Variants in NOTCH1 observed in about 807,000 individuals in gnomAD.
NOTCH1 encodes the protein neurogenic locus notch homolog protein 1.
A neutral mutation model predicts 254.8 loss-of-function variants in NOTCH1; 37 were observed. The observed-to-expected ratio is 0.15, with a 90% confidence interval of 0.11 to 0.19. The LOEUF (loss-of-function observed/expected upper bound fraction) is 0.19. NOTCH1 is among the 10% of genes least tolerant of loss of function. NOTCH1 has a pLI of 1.00. For missense variants in NOTCH1, 2,972 were observed against 3,708.6 expected, an observed-to-expected ratio of 0.80 and a Z score of 5.16; for synonymous variants, 1,731 against 1,618.1, an observed-to-expected ratio of 1.07 and a Z score of -1.68.
intron 19 of NOTCH1, 115 bp downstream of exon 19, chr9:136,508,755 G>T: frequency 9.2e-7 from 1 of 1,081,340 alleles, no homozygotes; most frequent in Non-Finnish European, 1.3e-6. Context: ...GCCCGGGGGT[G>T]TGGGGGTGAC....
intron 2 of NOTCH1, among the ~76,000 whole-genome samples, chr9:136,535,464 C>CGG (rs1056012408): frequency 2.1e-4 from 22 of 104,568 alleles, no homozygotes; most frequent in East Asian, 6.3e-4. Flanking sequence ...GCAGGGTAGG[C>CGG]GGGGAGCACT....
chr9:136,499,630 C>T (rs903202897), intron 31 of NOTCH1, among the ~76,000 whole-genome samples: 2 of 152,224 alleles, frequency 1.3e-5, no homozygotes, highest in African/African-American at 4.8e-5. Flanking sequence ...CACGGCCCTA[C>T]AGCCGTCTCA....
In NOTCH1 at chr9:136,499,283, G is replaced by A. The variant is rs779706445; in HGVS notation, c.5935-24C>T. 5.0e-6 allele frequency: 8 copies of A among 1,610,650 alleles called. No individual in the cohort carries two copies. In the African/African-American group the frequency reaches 1.1e-4, roughly 21 times the overall value. ...ATCTGGGCAACAGGGAGAGGCTCAG[G>A]CGGGTGCTGGGCAGACGTACACCGA... On this transcript the variant is annotated intron_variant, in intron 31 of 33. Transcript: ENST00000651671.
Position 136,503,205 on chromosome 9 carries a change from G to C in NOTCH1, c.5144C>G (p.Pro1715Arg), listed in dbSNP as rs749151982. ...ACTCTGCACGGCCTCGATCTTGTAG[G>C]GGATGTTGAGGCTGCCCAGCGAGGC... ...ALASLGSLNIPYKIEAVQSET... is the reference protein window; with the variant it reads ...ALASLGSLNIRYKIEAVQSET... Residue 1715 changes from proline to arginine, a missense_variant, in exon 27 of 34, where the codon CCC (proline) becomes CGC (arginine). Physicochemically the swap from Pro to Arg is moderately radical, Grantham distance 103. Around this residue, in one of 8 missense-constraint regions of NOTCH1, gnomAD observed 421 missense variants for 604.4 expected, o/e 0.70. Transcript: ENST00000651671. 6.2e-7 allele frequency: 1 copy of C among 1,612,880 alleles called. No individual in the cohort carries two copies. The highest frequency in any genetic ancestry group is 1.1e-5 in the South Asian group (1 of 91,082).
chr9:136,506,034 A>T lies in NOTCH1; in HGVS notation c.4015-153T>A, dbSNP rs1224710548. Among the ~76,000 whole-genome samples, 2 of 152,044 alleles carry T rather than the reference A, an allele frequency of 1.3e-5. No individual in the cohort carries two copies. The highest frequency in any genetic ancestry group is 4.8e-5 in the African/African-American group (2 of 41,416). On this transcript the variant is annotated intron_variant, in intron 24 of 33. Transcript: ENST00000651671. This position sits in a 1 kb window ranked among gnomAD's most constrained non-coding sequence, Gnocchi z 4.5. ...CCCCCAGCAGCAAAACCCTTTACAC[A>T]CATTCTACCAACAGAGAAAGATCGG...
intron 26 of NOTCH1, among the ~76,000 whole-genome samples, chr9:136,504,230 T>C (rs1198064112): frequency 1.3e-5 from 2 of 152,220 alleles, no homozygotes; most frequent in African/African-American, 4.8e-5. Context: ...AGAGACAAGG[T>C]CTCCCTATGT....
At chr9:136,520,520 G>A (rs1003572040) in intron 4 of NOTCH1, among the ~76,000 whole-genome samples, 1 of 152,084 alleles carries the variant, frequency 6.6e-6, no homozygotes, top group East Asian at 1.9e-4. Context: ...GATCGCTTGC[G>A]CCCAGGAGTT....
chr9:136,512,158 T>G (rs1843191448), intron 15 of NOTCH1, among the ~76,000 whole-genome samples: 1 of 152,228 alleles, frequency 6.6e-6, no homozygotes, highest in African/African-American at 2.4e-5. Flanking sequence ...CCGATCGACG[T>G]GTCTGAAAGG....
intron 2 of NOTCH1, among the ~76,000 whole-genome samples, chr9:136,536,138 T>C (rs1843653529): frequency 1.3e-5 from 2 of 152,128 alleles, no homozygotes; most frequent in South Asian, 4.1e-4. Context: ...GGACCGCCTA[T>C]AACCGCCCTG....
rs373125283 is a variant in NOTCH1 at position 136,515,675 on chromosome 9, C to T, written c.1711G>A (p.Asp571Asn). The T allele has an allele frequency of 1.5e-5, 24 of 1,561,060 alleles. No homozygotes were observed. Among genetic ancestry groups the T allele is most frequent in the East Asian group, 9.5e-5 (4 of 42,206 alleles). ...THCEVDIDEC[D>N]PDPCHYGSCK... ...GAGCCGTAGTGGCAGGGGTCGGGGTCGCACTCATCGATGTCCACCTCGCAG... is the reference window on the plus strand; with the variant it reads ...GAGCCGTAGTGGCAGGGGTCGGGGTTGCACTCATCGATGTCCACCTCGCAG... Residue 571 changes from aspartate to asparagine, a missense_variant, in exon 11 of 34, where the codon GAC becomes AAC. Coordinates refer to ENST00000651671, the MANE Select transcript of NOTCH1 (RefSeq NM_017617.5).
Position 136,503,292 on chromosome 9 carries a change from A to C in NOTCH1, c.5057T>G (p.Val1686Gly), listed in dbSNP as rs921318644. 5.6e-6 allele frequency: 9 copies of C among 1,612,858 alleles called. No homozygotes were observed. Among genetic ancestry groups the C allele is most frequent in the Non-Finnish European group, 6.8e-6 (8 of 1,179,920 alleles). ...VYLEIDNRQC[V>G]QASSQCFQSA... ...CTGGAAGCACTGCGAGGAGGCCTGCACACACTGCCGGTTGTCAATCTCCAG... is the reference window on the plus strand; with the variant it reads ...CTGGAAGCACTGCGAGGAGGCCTGCCCACACTGCCGGTTGTCAATCTCCAG... Residue 1686 changes from valine to glycine, a missense_variant, in exon 27 of 34, where the codon GTG (valine) becomes GGG (glycine). By Grantham distance (109) the Val-to-Gly change is moderately radical (BLOSUM62 -3). Around this residue, in one of 8 missense-constraint regions of NOTCH1, gnomAD observed 421 missense variants for 604.4 expected, o/e 0.70. Transcript: ENST00000651671.
intron 30 of NOTCH1, 24 bp from the exon 31 acceptor site, chr9:136,500,871 C>A (rs2133326979): frequency 6.4e-7 from 1 of 1,568,060 alleles, no homozygotes; most frequent in South Asian, 1.1e-5. Context: ...GACGGGTGCT[C>A]AGTCTGGAGG....
Position 136,514,808 on chromosome 9 carries a change from C to T in NOTCH1, c.2015-106G>A, listed in dbSNP as rs571892986. 6.5e-5 allele frequency: 74 copies of T among 1,145,050 alleles called. 2 individuals are homozygous for T. The South Asian group carries it at 7.9e-4, about 12-fold the overall frequency. 70.9% of individuals were successfully genotyped at this position (1,145,050 alleles called of 1,614,324 possible). A position where few individuals can be genotyped will look rare whatever the true frequency, so the allele number is the denominator to read the frequency against. ...GAGCCGGGGCGATCACCCTTCTGGC[C>T]ACATCCTTCCAGGTGTCAGAAACCA... On this transcript the variant is annotated intron_variant, in intron 12 of 33. Coordinates refer to ENST00000651671, the MANE Select transcript of NOTCH1 (RefSeq NM_017617.5).
In NOTCH1 at chr9:136,518,715, G is replaced by A. The variant is rs746111102; in HGVS notation, c.975C>T (p.Asn325=). 99 of 1,612,894 alleles carry A rather than the reference G, an allele frequency of 6.1e-5. No homozygotes were observed. Among genetic ancestry groups the A allele is most frequent in the South Asian group, 2.1e-4 (19 of 91,090 alleles). Residue 325 remains asparagine, a synonymous_variant, in exon 6 of 34, where the codon AAC becomes AAT. Coordinates refer to ENST00000651671, the MANE Select transcript of NOTCH1 (RefSeq NM_017617.5). ...CGCTGCAGTCCTCACCAGTCCAGCC[G>A]TTGACACACACGCAGTTGTAGCCAC... ...THGGYNCVCV[N]GWTGEDCSEN...
At chr9:136,537,550 T>A (rs1843674141) in intron 2 of NOTCH1, among the ~76,000 whole-genome samples, 1 of 152,170 alleles carries the variant, frequency 6.6e-6, no homozygotes, top group South Asian at 2.1e-4. Context: ...AACTTGTGAA[T>A]GGACTAGATG....
chr9:136,505,753 G>A lies in NOTCH1; in HGVS notation c.4143C>T (p.Pro1381=), dbSNP rs539950718. 1.9e-5 allele frequency: 30 copies of A among 1,587,752 alleles called. No homozygotes were observed. The highest frequency in any genetic ancestry group is 5.4e-5 in the African/African-American group (4 of 74,406). ...TCLCLGPFTG[P]ECQFPASSPC... is the part of the protein sequence containing the mutation. ...GGCTGCTGGCCGGGAACTGGCATTC[G>A]GGGCCCGTGAAGGGGCCCAGGCACA... The change falls in exon 25 of 34, where the codon CCC becomes CCT. Residue 1381 remains proline (P), a synonymous_variant. Coordinates refer to ENST00000651671, the MANE Select transcript of NOTCH1 (RefSeq NM_017617.5).
chr9:136,508,926 C>T lies in NOTCH1; in HGVS notation c.3115G>A (p.Gly1039Ser), dbSNP rs200207651. 4.8e-4 allele frequency: 737 copies of T among 1,549,454 alleles called. No homozygotes were observed. The highest frequency in any genetic ancestry group is 3.4e-4 in the Non-Finnish European group (394 of 1,147,262). The stretch of plus-strand genomic sequence containing the variant: ...CAGGTGCACCTGTAGGAGCCGCAGC[C>T]GTCCTGACAGGTGCCGCCATGCAGG... The part of the protein sequence containing the change: ...PCLHGGTCQD[G>S]CGSYRCTCPQ... The change falls in exon 19 of 34, where the codon GGC becomes AGC. Residue 1039 changes from glycine to serine, a missense_variant. Transcript: ENST00000651671.
At chr9:136,514,104 T>C (rs1400275767) in intron 13 of NOTCH1, among the ~76,000 whole-genome samples, 1 of 152,204 alleles carries the variant, frequency 6.6e-6, no homozygotes, top group East Asian at 1.9e-4. Context: ...TTGCCCGCTG[T>C]GTGGCCCCGA....
rs2133407832 is a variant in NOTCH1, at chr9:136,545,244, G to A, written c.61+482C>T. Among the ~76,000 whole-genome samples the A allele has an allele frequency of 6.6e-6, 1 of 152,258 alleles. No homozygotes were observed. The highest frequency in any genetic ancestry group is 2.4e-5 in the African/African-American group (1 of 41,544). On this transcript the variant is annotated intron_variant, in intron 1 of 33. Transcript: ENST00000651671. This position sits in a 1 kb window ranked among gnomAD's most constrained non-coding sequence, Gnocchi z 6.8. ...CAGCCCGGCCGCGCGGGTCAGTGAAGGCGAACGCGGCGCCGCAGAGCCCAC... is the reference window on the plus strand; with the variant it reads ...CAGCCCGGCCGCGCGGGTCAGTGAAAGCGAACGCGGCGCCGCAGAGCCCAC...
Sources: gnomAD v4.1 joint callset for allele counts (sites outside exome capture counted in the v4.1 genomes callset) on GRCh38, gnomAD v4.1.1 for gene constraint, gnomAD v4.1.1 regional missense constraint, Gnocchi (gnomAD v3.1) non-coding constraint, MANE v1.5 for transcripts, NCBI Gene and HGNC (gene_info 2026-07-23, HGNC 2026-07-21) for gene names.